The following MYH16 variants were observed in gnomAD, a reference collection of about 807,000 sequenced individuals.
MYH16 encodes putative uncharacterized protein MYH16.
chr7:99,293,899 T>C, intron 32 of MYH16, 119 bp from the exon 14 acceptor site: 1 of 333,118 alleles, frequency 3.0e-6, no homozygotes. Context: ...TCTGCATCGT[T>C]TCCAATGTTG....
rs1257436133 is a variant in MYH16 at position 99,273,435 on chromosome 7, G to GGGGCC, written n.2485+13_2485+17dup. 2.2e-6 allele frequency: 1 copy of GGGGCC among 456,630 alleles called. No individual in the cohort carries two copies. Among genetic ancestry groups the GGGGCC allele is most frequent in the African/African-American group, 2.0e-5 (1 of 50,090 alleles). The allele number at this position is 456,630 out of a possible 1,614,324, so 28.3% of individuals were successfully genotyped here. On this transcript the variant is annotated intron_variant and non_coding_transcript_variant, in intron 20 of 41. Transcript: ENST00000439784. ...AGCTGTACAACAAGGTGAGGGCCGA[G>GGGGCC]GGGCCAGGCCAGGGGGGACTGCTGC...
chr7:99,283,665 C>A lies in MYH16; in HGVS notation n.3079+14C>A, dbSNP rs867654350. 4 of 456,610 alleles carry A rather than the reference C, an allele frequency of 8.8e-6. No homozygotes were observed. In the Middle Eastern group the frequency reaches 1.3e-3, roughly 151 times the overall value. The allele number at this position is 456,610 out of a possible 1,614,324, so 28.3% of individuals were successfully genotyped here. On this transcript the variant is annotated intron_variant and non_coding_transcript_variant, in intron 24 of 41. Coordinates refer to ENST00000439784, the Ensembl canonical transcript of MYH16. ...CAGATCCATGAGGTAATACCCATTGCTGTGGCCACCTCTACAACTCCAAGG... is the reference window on the plus strand; with the variant it reads ...CAGATCCATGAGGTAATACCCATTGATGTGGCCACCTCTACAACTCCAAGG...
chr7:99,276,543 G>T (rs1396316640), intron 20 of MYH16, among the ~76,000 whole-genome samples: 1 of 152,264 alleles, frequency 6.6e-6, no homozygotes. Flanking sequence ...CAGGTGAGAA[G>T]GGCCAAGTGC....
chr7:99,302,333 C>T (rs1449536937), intron 38 of MYH16, among the ~76,000 whole-genome samples: 1 of 143,544 alleles, frequency 7.0e-6, no homozygotes, highest in African/African-American at 2.8e-5. Context: ...CACACACACA[C>T]ACACACACAC....
chr7:99,251,759 C>T (rs1028291355), intron 6 of MYH16, among the ~76,000 whole-genome samples: 2 of 152,124 alleles, frequency 1.3e-5, no homozygotes, highest in African/African-American at 4.8e-5. Flanking sequence ...CCCTTGAGCC[C>T]AGGAGTTTGA....
At chr7:99,288,065 G>A (rs1792308917) in exon 29 of MYH16, 1 of 456,646 alleles carries the variant, frequency 2.2e-6, no homozygotes, top group South Asian at 1.5e-5. Context: ...CCAAGCTAGA[G>A]AAAGATAAAC....
intron 20 of MYH16, among the ~76,000 whole-genome samples, chr7:99,273,684 AG>A (rs1792074653): frequency 6.6e-6 from 1 of 152,066 alleles, no homozygotes; most frequent in South Asian, 2.1e-4. Context: ...GCTTGAGGCC[AG>A]GAGTTTGAGA....
At chr7:99,280,912 C>T (rs1441610868) in exon 23 of MYH16, 2 of 421,240 alleles carry the variant, frequency 4.7e-6, no homozygotes, top group Non-Finnish European at 9.5e-6. Flanking sequence ...GACGGGGGAC[C>T]TCTCACTCCG....
rs1392894886 is a variant in MYH16, at chr7:99,302,331, C to T, written n.5137+527C>T. 2.0e-4 allele frequency among the ~76,000 whole-genome samples: 28 copies of T among 140,632 alleles called. 2 individuals carry two copies. Among genetic ancestry groups the T allele is most frequent in the African/African-American group, 7.7e-4 (27 of 34,936 alleles). The allele number at this position is 140,632 out of a possible 152,430, so 92.3% of individuals were successfully genotyped here. On this transcript the variant is annotated intron_variant and non_coding_transcript_variant, in intron 38 of 41. Coordinates refer to ENST00000439784, the Ensembl canonical transcript of MYH16. ...AAAAAAATATATACACACACACACA[C>T]ACACACACACACACACACACACACA...
intron 1 of MYH16, among the ~76,000 whole-genome samples, chr7:99,239,434 G>C (rs1791637235): frequency 6.6e-6 from 1 of 152,114 alleles, no homozygotes; most frequent in East Asian, 1.9e-4. Context: ...GTGGCATGAG[G>C]GCCATGAGAG....
chr7:99,305,138 A>G (rs923801230), intron 40 of MYH16, among the ~76,000 whole-genome samples: 1 of 152,038 alleles, frequency 6.6e-6, no homozygotes. Flanking sequence ...ACAGTGAGCT[A>G]TGATAGCACT....
Position 99,247,347 on chromosome 7 carries a change from G to A in MYH16, n.355-247G>A, listed in dbSNP as rs553591489. 1.1e-4 allele frequency among the ~76,000 whole-genome samples: 16 copies of A among 152,252 alleles called. No individual in the cohort carries two copies. In the South Asian group the frequency reaches 2.3e-3, roughly 22 times the overall value. ...ACCACCACGCCCAGCTAATTGTTTC[G>A]TCCTTTTGGTAGAGACAGGGTTTCA... On this transcript the variant is annotated intron_variant and non_coding_transcript_variant, in intron 2 of 41. Coordinates refer to ENST00000439784, the Ensembl canonical transcript of MYH16.
intron 36 of MYH16, 161 bp from the exon 18 acceptor site, chr7:99,299,305 T>A (rs1293251753): frequency 6.6e-6 from 1 of 152,152 alleles, no homozygotes; most frequent in Non-Finnish European, 1.5e-5. Flanking sequence ...CCCCAAAGCA[T>A]GAAACCCTCA....
At position 99,258,266 on chromosome 7, in the gene MYH16, G is replaced by A. The variant is rs35641835; in HGVS notation, n.1280G>A. On this transcript the variant is annotated non_coding_transcript_exon_variant, in exon 11 of 42. Transcript: ENST00000439784. ...TGCCAAAACTCCATTGGGGCTCTGGGCAAGGCTGTCTATGACAAGATGTTC... is the reference window on the plus strand; with the variant it reads ...TGCCAAAACTCCATTGGGGCTCTGGACAAGGCTGTCTATGACAAGATGTTC... The A allele has an allele frequency of 5.7e-3, 871 of 153,158 alleles. 6 individuals are homozygous for A. Among genetic ancestry groups the A allele is most frequent in the Middle Eastern group, 0.017 (5 of 298 alleles). The allele number at this position is 153,158 out of a possible 1,614,324, so 9.5% of individuals were successfully genotyped here. A position where few individuals can be genotyped will look rare whatever the true frequency, so the allele number is the denominator to read the frequency against.
chr7:99,271,807 C>T (rs918580507), intron 19 of MYH16, among the ~76,000 whole-genome samples: 13 of 152,176 alleles, frequency 8.5e-5, no homozygotes, highest in African/African-American at 3.1e-4. Flanking sequence ...TTGAGTGATA[C>T]TCCCACCTCA....
At chr7:99,306,521 TCTCTCAAAAAAAAAA>T (rs1792683624) in intron 41 of MYH16, 73 bp from the exon 23 acceptor site, 1 of 152,102 alleles carries the variant, frequency 6.6e-6, no homozygotes, top group Non-Finnish European at 1.5e-5. Flanking sequence ...AGCGAGACTG[TCTCTCAAAAAAAAAA>T]TTTTTTTTTA....
exon 34 of MYH16, chr7:99,296,807 C>T (rs189566748): frequency 1.8e-5 from 8 of 456,686 alleles, no homozygotes; most frequent in Admixed American, 1.4e-4. Flanking sequence ...GTGGACAGCT[C>T]GCAGAAGGAG....
chr7:99,269,967 G>T (rs183826829), intron 18 of MYH16, among the ~76,000 whole-genome samples: 1 of 145,848 alleles, frequency 6.9e-6, no homozygotes, highest in East Asian at 2.1e-4. Flanking sequence ...TCCGCCTCCC[G>T]GGTTTAAGCG....
intron 31 of MYH16, among the ~76,000 whole-genome samples, chr7:99,291,656 CAAAATAA>C (rs1261853188): frequency 7.1e-6 from 1 of 139,950 alleles, no homozygotes; most frequent in Non-Finnish European, 1.5e-5. Flanking sequence ...CCATCTCTAC[CAAAATAA>C]AAAATAAAAA....
Sources: allele counts gnomAD v4.1 joint callset (sites outside exome capture counted in the v4.1 genomes callset), GRCh38; gene constraint gnomAD v4.1.1; transcripts MANE v1.5; gene names NCBI Gene and HGNC (gene_info 2026-07-23, HGNC 2026-07-21).